Variants in SYNDIG1L observed in about 807,000 individuals in gnomAD.
SYNDIG1L encodes the protein synapse differentiation-inducing gene protein 1-like.
A neutral mutation model predicts 20.1 loss-of-function variants in SYNDIG1L; 13 were observed. That is an observed-to-expected ratio of 0.65 (90% CI 0.42 to 1.03). SYNDIG1L has a LOEUF of 1.03. Ranked by LOEUF, SYNDIG1L falls within the 50% of genes least tolerant of loss-of-function variation. The pLI, the probability that SYNDIG1L is intolerant of heterozygous loss-of-function variation, is 0.00. For missense variants in SYNDIG1L, 294 were observed against 305.1 expected (o/e 0.96, Z 0.27); for synonymous variants, 128 against 129.3 (o/e 0.99, Z 0.07).
chr14:74,454,392 G>C, the SYNDIG1L span, among the ~76,000 whole-genome samples: 3 of 152,196 alleles, frequency 2.0e-5, no homozygotes, highest in Non-Finnish European at 4.4e-5. Flanking sequence ...GTTCAAAGGA[G>C]AACTGCCAGG....
the SYNDIG1L span, among the ~76,000 whole-genome samples, chr14:74,477,833 C>T: frequency 5.9e-5 from 9 of 152,182 alleles, no homozygotes; most frequent in African/African-American, 1.2e-4. Context: ...ATGAGACGGT[C>T]ATTGGAAAGA....
At chr14:74,475,614 C>A in the SYNDIG1L span, among the ~76,000 whole-genome samples, 1 of 151,730 alleles carries the variant, frequency 6.6e-6, no homozygotes, top group African/African-American at 2.4e-5. Context: ...CTCTGAAGCT[C>A]CTGGGAGGGT....
At chr14:74,409,108 C>A (rs1221503520) in intron 2 of SYNDIG1L, among the ~76,000 whole-genome samples, 1 of 151,014 alleles carries the variant, frequency 6.6e-6, no homozygotes, top group East Asian at 1.9e-4. Flanking sequence ...GAGTCAGGCT[C>A]TTGCTCTATC....
At chr14:74,438,057 C>T in the SYNDIG1L span, among the ~76,000 whole-genome samples, 6 of 151,760 alleles carry the variant, frequency 4.0e-5, no homozygotes, top group Admixed American at 1.3e-4. Flanking sequence ...TTCCAGAATT[C>T]GGATTTTTTC....
the SYNDIG1L span, among the ~76,000 whole-genome samples, chr14:74,448,418 A>G: frequency 2.0e-5 from 3 of 152,214 alleles, no homozygotes; most frequent in Non-Finnish European, 4.4e-5. Flanking sequence ...TTATTTTATA[A>G]TGATGAAAAT....
chr14:74,426,343 G>A (rs2086266259), upstream of SYNDIG1L, among the ~76,000 whole-genome samples: 1 of 151,718 alleles, frequency 6.6e-6, no homozygotes, highest in Non-Finnish European at 1.5e-5. Flanking sequence ...GCTCCGGGGC[G>A]GGGCGGGGCG....
chr14:74,434,836 C>T, the SYNDIG1L span, among the ~76,000 whole-genome samples: 2 of 150,854 alleles, frequency 1.3e-5, no homozygotes, highest in Non-Finnish European at 2.9e-5. Context: ...AATCCCAGCA[C>T]TTTGGGAGGC....
chr14:74,443,213 G>C, the SYNDIG1L span, among the ~76,000 whole-genome samples: 2 of 152,206 alleles, frequency 1.3e-5, no homozygotes, highest in Admixed American at 6.5e-5. Context: ...AAGGAGACAA[G>C]GGGGAGGGAG....
At chr14:74,425,865 C>G (rs2086260527) in intron 1 of SYNDIG1L, 47 bp downstream of exon 1, 1 of 152,268 alleles carries the variant, frequency 6.6e-6, no homozygotes, top group Non-Finnish European at 1.5e-5. Flanking sequence ...ACTCCCCGCT[C>G]CGTGCCTAGC....
the SYNDIG1L span, among the ~76,000 whole-genome samples, chr14:74,450,820 G>A: frequency 3.3e-5 from 5 of 151,910 alleles, no homozygotes; most frequent in African/African-American, 7.3e-5. Flanking sequence ...TTATTTAAAC[G>A]GGCAAAATAT....
the SYNDIG1L span, among the ~76,000 whole-genome samples, chr14:74,442,298 T>G: frequency 6.6e-6 from 1 of 152,124 alleles, no homozygotes. Context: ...CTGTGACAAG[T>G]GCTACCGCAA....
At chr14:74,452,726 A>G in the SYNDIG1L span, among the ~76,000 whole-genome samples, 1 of 152,344 alleles carries the variant, frequency 6.6e-6, no homozygotes, top group Non-Finnish European at 1.5e-5. Flanking sequence ...TAGCCATTAC[A>G]TTCTTAAGTA....
chr14:74,469,974 A>T, the SYNDIG1L span, among the ~76,000 whole-genome samples: 1 of 152,160 alleles, frequency 6.6e-6, no homozygotes, highest in Non-Finnish European at 1.5e-5. Context: ...GCCAGATTGC[A>T]ATTTCAAGTG....
chr14:74,414,463 C>T (rs1329433540), intron 1 of SYNDIG1L, among the ~76,000 whole-genome samples: 1 of 152,126 alleles, frequency 6.6e-6, no homozygotes, highest in Non-Finnish European at 1.5e-5. Context: ...GTTTCCCATT[C>T]CCTGATTTGG....
At chr14:74,458,837 A>G in the SYNDIG1L span, among the ~76,000 whole-genome samples, 1 of 152,098 alleles carries the variant, frequency 6.6e-6, no homozygotes, top group Non-Finnish European at 1.5e-5. Context: ...GTGGGTAAGG[A>G]GACCAAGCCC....
At chr14:74,410,149 T>C (rs1479991806) in intron 1 of SYNDIG1L, among the ~76,000 whole-genome samples, 3 of 152,170 alleles carry the variant, frequency 2.0e-5, no homozygotes, top group South Asian at 2.1e-4. Context: ...TGCTTTGTCT[T>C]CACAAAACTT....
the SYNDIG1L span, among the ~76,000 whole-genome samples, chr14:74,462,936 G>C: frequency 2.0e-4 from 31 of 152,266 alleles, no homozygotes; most frequent in African/African-American, 7.2e-4. Context: ...CCCTTCTGCT[G>C]TTTTCTACTG....
At chr14:74,410,338 T>G (rs2086121222) in intron 1 of SYNDIG1L, among the ~76,000 whole-genome samples, 1 of 152,120 alleles carries the variant, frequency 6.6e-6, no homozygotes, top group South Asian at 2.1e-4. Flanking sequence ...ACACATTTCA[T>G]GCAGAGGGAA....
chr14:74,471,227 G>A, the SYNDIG1L span, among the ~76,000 whole-genome samples: 3 of 152,214 alleles, frequency 2.0e-5, no homozygotes, highest in African/African-American at 7.2e-5. Context: ...TGATCCTCTC[G>A]ATCCTCTGCA....
Sources: allele counts gnomAD v4.1 joint callset (sites outside exome capture counted in the v4.1 genomes callset), GRCh38; gene constraint gnomAD v4.1.1; transcripts MANE v1.5; gene names NCBI Gene and HGNC (gene_info 2026-07-23, HGNC 2026-07-21).